Variants in MED4 observed in about 807,000 individuals in gnomAD.
The protein encoded by MED4 is mediator complex subunit 4, also known as mediator of RNA polymerase II transcription subunit 4.
A neutral mutation model predicts 35.0 loss-of-function variants in MED4; 21 were observed. That is an observed-to-expected ratio of 0.60 (90% confidence interval 0.43 to 0.86). The LOEUF is 0.86. Ranked by LOEUF, MED4 falls within the 40% of genes least tolerant of loss-of-function variation. The pLI, the probability that MED4 is intolerant of heterozygous loss-of-function variation, is 0.00. For missense variants in MED4, 300 were observed against 319.4 expected (o/e 0.94, Z 0.46); for synonymous variants, 138 against 114.0 (o/e 1.21, Z -1.34).
chr13:48,086,619 G>A (rs1227826236), intron 2 of MED4, among the ~76,000 whole-genome samples, 167 bp from the exon 3 acceptor site: 3 of 151,904 alleles, frequency 2.0e-5, no homozygotes, highest in Admixed American at 2.0e-4. Flanking sequence ...TGATTATTTT[G>A]GGAAACATTA....
At chr13:48,085,323 C>T (rs1950841510) in intron 3 of MED4, among the ~76,000 whole-genome samples, 1 of 152,000 alleles carries the variant, frequency 6.6e-6, no homozygotes, top group African/African-American at 2.4e-5. Context: ...AGGCACACAC[C>T]ACCACACCTG....
chr13:48,080,063 C>A (rs1328436637), intron 5 of MED4, 88 bp from the exon 6 acceptor site: 1 of 1,445,678 alleles, frequency 6.9e-7, no homozygotes, highest in Non-Finnish European at 9.4e-7. Flanking sequence ...TTCGCTGGTT[C>A]ATGCTGAAAA....
intron 5 of MED4, among the ~76,000 whole-genome samples, 154 bp downstream of exon 5, chr13:48,081,491 C>T (rs1950807810): frequency 6.6e-6 from 1 of 152,182 alleles, no homozygotes; most frequent in African/African-American, 2.4e-5. Flanking sequence ...AACCCATGGC[C>T]TATATCATTA....
intron 6 of MED4, among the ~76,000 whole-genome samples, chr13:48,078,906 G>A (rs984177714): frequency 2.0e-5 from 3 of 152,020 alleles, no homozygotes; most frequent in African/African-American, 7.3e-5. Context: ...AAAATGTATA[G>A]GGGAAAAAAG....
At chr13:48,091,091 C>CA (rs1319430585) in intron 1 of MED4, among the ~76,000 whole-genome samples, 1 of 152,110 alleles carries the variant, frequency 6.6e-6, no homozygotes, top group African/African-American at 2.4e-5. Flanking sequence ...AGTGAATGAA[C>CA]ATATGTTTAT....
intron 1 of MED4, among the ~76,000 whole-genome samples, chr13:48,090,896 G>A (rs1303753482): frequency 6.6e-6 from 1 of 152,192 alleles, no homozygotes; most frequent in Non-Finnish European, 1.5e-5. Flanking sequence ...TGCAGTTTTT[G>A]TAAATAACAT....
At chr13:48,084,035 C>T (rs994277234) in intron 3 of MED4, among the ~76,000 whole-genome samples, 1 of 152,006 alleles carries the variant, frequency 6.6e-6, no homozygotes, top group African/African-American at 2.4e-5. Flanking sequence ...CCGAGGCAGG[C>T]AGATCATTTG....
chr13:48,091,030 T>C (rs1417944727), intron 1 of MED4, among the ~76,000 whole-genome samples: 1 of 152,228 alleles, frequency 6.6e-6, no homozygotes, highest in Non-Finnish European at 1.5e-5. Context: ...GTATTTATTA[T>C]CTGGCCTTTG....
Position 48,094,982 on chromosome 13 carries a change from C to CTCA in MED4, c.96_97insTGA (p.Ser32_Ala33insTer). 1.2e-6 allele frequency: 2 copies of CTCA among 1,604,080 alleles called. No individual in the cohort carries two copies. Among genetic ancestry groups the CTCA allele is most frequent in the Non-Finnish European group, 1.7e-6 (2 of 1,179,826 alleles). Reference sequence around the variant, plus strand: ...GACAGGACCTCCAAGTCCTCAAGCGCAGACAGCAGCCGCTCTCGTGTGCTG... The same window carrying CTCA: ...GACAGGACCTCCAAGTCCTCAAGCGCTCAAGACAGCAGCCGCTCTCGTGTGCTG... On this transcript the variant is annotated stop_gained and inframe_insertion, in exon 1 of 7. Coordinates refer to ENST00000258648, the MANE Select transcript of MED4 (RefSeq NM_014166.4). LOFTEE classifies it high-confidence loss of function.
intron 6 of MED4, 36 bp downstream of exon 6, chr13:48,079,808 T>C (rs747289094): frequency 1.2e-6 from 2 of 1,606,088 alleles, no homozygotes; most frequent in South Asian, 1.1e-5. Flanking sequence ...TGGAAAACCC[T>C]GATCTGTTTG....
At chr13:48,088,949 T>C (rs1950871020) in intron 2 of MED4, among the ~76,000 whole-genome samples, 1 of 152,224 alleles carries the variant, frequency 6.6e-6, no homozygotes, top group African/African-American at 2.4e-5. Flanking sequence ...TTGCTACTCT[T>C]TAAAAAGTGC....
At chr13:48,078,425 AT>A (rs1445170240) in intron 6 of MED4, among the ~76,000 whole-genome samples, 1 of 152,176 alleles carries the variant, frequency 6.6e-6, no homozygotes, top group Non-Finnish European at 1.5e-5. Flanking sequence ...TGTGCAGGAC[AT>A]TAAGTGGTGT....
At chr13:48,081,045 A>T (rs1950805007) in intron 5 of MED4, among the ~76,000 whole-genome samples, 1 of 152,362 alleles carries the variant, frequency 6.6e-6, no homozygotes, top group Admixed American at 6.5e-5. Flanking sequence ...GCATGGTAAC[A>T]CAGCACCTTC....
intron 1 of MED4, 109 bp downstream of exon 1, chr13:48,094,845 C>G: frequency 8.1e-6 from 12 of 1,484,924 alleles, no homozygotes; most frequent in Non-Finnish European, 1.1e-5. Context: ...AACTCCCGAG[C>G]TGGCCCTCCC....
intron 3 of MED4, among the ~76,000 whole-genome samples, chr13:48,085,721 C>G (rs1415660038): frequency 6.6e-6 from 1 of 152,116 alleles, no homozygotes; most frequent in Non-Finnish European, 1.5e-5. Flanking sequence ...AGTGAAGTAA[C>G]TGGGCAAATA....
chr13:48,092,770 C>T (rs1950899364), intron 1 of MED4, among the ~76,000 whole-genome samples: 1 of 152,164 alleles, frequency 6.6e-6, no homozygotes, highest in Admixed American at 6.5e-5. Context: ...CGGTTGAGAA[C>T]CTCTGGTCTA....
intron 2 of MED4, among the ~76,000 whole-genome samples, chr13:48,090,090 G>A (rs969212799): frequency 2.0e-5 from 3 of 152,122 alleles, no homozygotes; most frequent in African/African-American, 7.2e-5. Context: ...AAATAAACAT[G>A]TAAGTGTGAC....
chr13:48,081,687 T>G lies in MED4; in HGVS notation c.466A>C (p.Ser156Arg). The G allele has an allele frequency of 6.2e-7, 1 of 1,612,452 alleles. No individual in the cohort carries two copies. Among genetic ancestry groups the G allele is most frequent in the Non-Finnish European group, 8.5e-7 (1 of 1,179,304 alleles). ...GGAGCACATACAGCATTACTTGCAC[T>G]GATCCTATGTGCATACTTAATTATT... is the stretch of plus-strand genomic sequence containing the variant. ...EEIIKYAHRI[S>R]ASNAVCAPLT... is the part of the protein sequence containing the mutation. The change falls in exon 5 of 7, where the codon AGT becomes CGT. Residue 156 changes from serine (S) to arginine (R), a missense_variant. Physicochemically the swap from Ser to Arg is moderately radical, Grantham distance 110. Transcript: ENST00000258648.
At chr13:48,089,930 T>C (rs947520547) in intron 2 of MED4, among the ~76,000 whole-genome samples, 2 of 152,252 alleles carry the variant, frequency 1.3e-5, no homozygotes, top group Admixed American at 1.3e-4. Flanking sequence ...ATAAGAGTTG[T>C]ATGCTCTTTT....
Sources: gnomAD v4.1 joint callset for allele counts (sites outside exome capture counted in the v4.1 genomes callset) on GRCh38, gnomAD v4.1.1 for gene constraint, MANE v1.5 for transcripts, NCBI Gene and HGNC (gene_info 2026-07-23, HGNC 2026-07-21) for gene names.